Variants in CALD1 observed in about 807,000 individuals in gnomAD.
The protein encoded by CALD1 is caldesmon.
In CALD1, 33 loss-of-function variants were observed where a neutral mutation model predicts 99.9. That is an observed-to-expected ratio of 0.33 (90% CI 0.25 to 0.44). CALD1 has a LOEUF of 0.44. Among genes scored for constraint, CALD1 ranks in the 20% least tolerant of loss-of-function variants. The pLI is 1.00. For missense variants in CALD1, 861 were observed against 962.1 expected (o/e 0.89, Z 1.39); for synonymous variants, 310 against 325.0 (o/e 0.95, Z 0.50).
At chr7:134,802,092 T>G (rs1343793381) in intron 1 of CALD1, among the ~76,000 whole-genome samples, 1 of 131,988 alleles carries the variant, frequency 7.6e-6, no homozygotes, top group African/African-American at 2.7e-5. Flanking sequence ...GTAATATATA[T>G]GTGTATGTAT....
intron 1 of CALD1, among the ~76,000 whole-genome samples, chr7:134,754,411 G>C (rs1234605833): frequency 6.6e-6 from 1 of 152,096 alleles, no homozygotes; most frequent in South Asian, 2.1e-4. Flanking sequence ...CTTGTCTCAA[G>C]GTACAAGCAC....
intron 1 of CALD1, among the ~76,000 whole-genome samples, chr7:134,758,599 G>C (rs1313045344): frequency 6.6e-6 from 1 of 151,782 alleles, no homozygotes; most frequent in South Asian, 2.1e-4. Flanking sequence ...GATGGGAATG[G>C]TTAAAATGTG....
At chr7:134,853,076 T>C (rs1051712693) in intron 2 of CALD1, among the ~76,000 whole-genome samples, 1 of 152,342 alleles carries the variant, frequency 6.6e-6, no homozygotes, top group South Asian at 2.1e-4. Context: ...CCCTCTTTCA[T>C]GCCTCCCACC....
chr7:134,757,542 G>A (rs962451352), intron 1 of CALD1, among the ~76,000 whole-genome samples: 2 of 152,128 alleles, frequency 1.3e-5, no homozygotes, highest in Non-Finnish European at 2.9e-5. Context: ...GTTCTTATCA[G>A]GGTTTGTCTT....
chr7:134,897,443 C>A (rs139019677), intron 3 of CALD1, among the ~76,000 whole-genome samples: 4 of 150,832 alleles, frequency 2.7e-5, no homozygotes, highest in Admixed American at 2.6e-4. Flanking sequence ...CTCACACTTG[C>A]TGTGTACAAA....
At chr7:134,884,906 T>A (rs993268444) in intron 3 of CALD1, among the ~76,000 whole-genome samples, 1 of 152,182 alleles carries the variant, frequency 6.6e-6, no homozygotes, top group Non-Finnish European at 1.5e-5. Context: ...TAAGACTGTG[T>A]ATTTGTATTT....
At chr7:134,791,413 G>T (rs540768756) in intron 1 of CALD1, among the ~76,000 whole-genome samples, 1 of 152,238 alleles carries the variant, frequency 6.6e-6, no homozygotes, top group Admixed American at 6.5e-5. Context: ...GGCCAGGCTG[G>T]TCTCGAACTC....
upstream of CALD1, among the ~76,000 whole-genome samples, chr7:134,741,363 G>A (rs1739361433): frequency 6.6e-6 from 1 of 152,152 alleles, no homozygotes; most frequent in Non-Finnish European, 1.5e-5. Flanking sequence ...CAGCATGGAG[G>A]TAACCACCCC....
At chr7:134,711,658 CTCTATATA>C in the CALD1 span, among the ~76,000 whole-genome samples, 49 of 66,976 alleles carry the variant, frequency 7.3e-4, no homozygotes, top group African/African-American at 2.4e-3. Flanking sequence ...CTCTCTCTCT[CTCTATATA>C]TATATATATA....
intron 1 of CALD1, among the ~76,000 whole-genome samples, chr7:134,794,219 TCCCTACA>T (rs1797660065): frequency 6.6e-6 from 1 of 152,126 alleles, no homozygotes; most frequent in Non-Finnish European, 1.5e-5. Context: ...ACTAGAACAA[TCCCTACA>T]CCACGCAAGC....
chr7:134,897,241 C>T (rs974404674), intron 3 of CALD1, among the ~76,000 whole-genome samples: 4 of 152,048 alleles, frequency 2.6e-5, no homozygotes, highest in African/African-American at 4.8e-5. Context: ...GCTCTGGCCT[C>T]AAGGGTTCTG....
chr7:134,959,508 A>T (rs1243328428), intron 11 of CALD1, among the ~76,000 whole-genome samples: 1 of 152,040 alleles, frequency 6.6e-6, no homozygotes, highest in Admixed American at 6.6e-5. Flanking sequence ...TGCCTGGCTA[A>T]TTTTTTCATT....
At position 134,887,573 on chromosome 7, in the gene CALD1, G is replaced by T. The variant is rs558504342; in HGVS notation, c.71+19769G>T. On this transcript the variant is annotated intron_variant, in intron 3 of 14. Transcript: ENST00000361675. ...TTCCATAGTAAGTGAATGGCTCTGT[G>T]CATGTTATGTGTGTGCATGTGTGCG... 3.3e-5 allele frequency among the ~76,000 whole-genome samples: 5 copies of T among 152,294 alleles called. No homozygotes were observed. The East Asian group carries it at 9.6e-4, about 29-fold the overall frequency.
intron 3 of CALD1, among the ~76,000 whole-genome samples, chr7:134,899,626 A>C: frequency 7.6e-6 from 1 of 130,914 alleles, no homozygotes; most frequent in African/African-American, 2.9e-5. Context: ...CTGTTTATTG[A>C]TCTTTCTTTT....
chr7:134,794,592 T>C (rs1797674939), intron 1 of CALD1, among the ~76,000 whole-genome samples: 1 of 152,156 alleles, frequency 6.6e-6, no homozygotes, highest in Admixed American at 6.5e-5. Flanking sequence ...GTTCAAGTGA[T>C]TCTCCTGCCT....
chr7:134,863,389 A>G (rs938530347), intron 2 of CALD1, among the ~76,000 whole-genome samples: 1 of 152,250 alleles, frequency 6.6e-6, no homozygotes, highest in African/African-American at 2.4e-5. Flanking sequence ...CTTGCATTCC[A>G]AGATCAATAC....
At chr7:134,945,152 C>A (rs981366038) in intron 7 of CALD1, among the ~76,000 whole-genome samples, 3 of 152,226 alleles carry the variant, frequency 2.0e-5, no homozygotes, top group East Asian at 1.9e-4. Context: ...CCTGTGTATC[C>A]TCCTTAATCA....
intron 2 of CALD1, among the ~76,000 whole-genome samples, chr7:134,861,091 T>C (rs2132279474): frequency 6.6e-6 from 1 of 152,330 alleles, no homozygotes; most frequent in South Asian, 2.1e-4. Flanking sequence ...GGAAGAAGCA[T>C]GGATATGTCA....
intron 13 of CALD1, chr7:134,962,020 TGAG>T (rs1490071725): frequency 3.3e-5 from 5 of 152,148 alleles, no homozygotes; most frequent in African/African-American, 1.2e-4. Context: ...ATGGACCTAC[TGAG>T]TAACTCTCAA....
Sources: gnomAD v4.1 joint callset for allele counts (sites outside exome capture counted in the v4.1 genomes callset) on GRCh38, gnomAD v4.1.1 for gene constraint, MANE v1.5 for transcripts, NCBI Gene and HGNC (gene_info 2026-07-23, HGNC 2026-07-21) for gene names.